EXOC4: variants seen among roughly 807,000 people sequenced by gnomAD.
EXOC4 encodes SEC8-like 1.
In EXOC4, 71 loss-of-function variants were observed where a neutral mutation model predicts 107.2. The observed-to-expected ratio is 0.66, with a 90% CI of 0.55 to 0.81. EXOC4 has a LOEUF of 0.81. Among genes scored for constraint, EXOC4 ranks in the 30% least tolerant of loss-of-function variants. EXOC4 has a pLI of 0.00. For missense variants in EXOC4, 1,108 were observed against 1,189.6 expected (o/e 0.93, Z 1.01); for synonymous variants, 456 against 441.2 (o/e 1.03, Z -0.42).
intron 10 of EXOC4, among the ~76,000 whole-genome samples, chr7:133,815,571 T>C (rs1797349752): frequency 6.6e-6 from 1 of 152,214 alleles, no homozygotes. Context: ...TGCTTTGCAA[T>C]ATACAGCAAG....
chr7:133,519,041 A>G (rs1227984449), intron 9 of EXOC4, among the ~76,000 whole-genome samples: 1 of 152,196 alleles, frequency 6.6e-6, no homozygotes, highest in African/African-American at 2.4e-5. Flanking sequence ...GCAACAGTGA[A>G]AAATTGGCAA....
At chr7:133,383,718 A>C (rs1796666943) in intron 7 of EXOC4, among the ~76,000 whole-genome samples, 1 of 152,196 alleles carries the variant, frequency 6.6e-6, no homozygotes, top group South Asian at 2.1e-4. Context: ...TTACCTGAGG[A>C]TTCTATACCT....
intron 9 of EXOC4, among the ~76,000 whole-genome samples, chr7:133,499,611 T>A (rs1408827900): frequency 6.6e-6 from 1 of 152,156 alleles, no homozygotes; most frequent in East Asian, 1.9e-4. Context: ...ATGGTTTAGA[T>A]ATGTGTCCCT....
chr7:133,480,631 G>GA (rs1799132576), intron 9 of EXOC4: 1 of 161,420 alleles, frequency 6.2e-6, no homozygotes, highest in African/African-American at 2.4e-5. Context: ...CCCATGTATA[G>GA]TTACCAAAGA....
At chr7:133,613,646 A>C (rs947745493) in intron 9 of EXOC4, among the ~76,000 whole-genome samples, 1 of 152,256 alleles carries the variant, frequency 6.6e-6, no homozygotes, top group East Asian at 1.9e-4. Context: ...GGTACTATAC[A>C]TTGAGGTCTG....
chr7:133,868,980 C>G (rs995495457), intron 11 of EXOC4, among the ~76,000 whole-genome samples: 4 of 152,068 alleles, frequency 2.6e-5, no homozygotes, highest in Non-Finnish European at 4.4e-5. Flanking sequence ...CCCTGCCTCT[C>G]CCAGCAGGCA....
intron 10 of EXOC4, among the ~76,000 whole-genome samples, chr7:133,743,008 G>A (rs973587946): frequency 1.3e-5 from 2 of 152,042 alleles, no homozygotes; most frequent in East Asian, 1.9e-4. Context: ...TGGTTCTTAA[G>A]AGGCTCTTAA....
At chr7:133,722,174 G>A (rs1474826103) in intron 10 of EXOC4, among the ~76,000 whole-genome samples, 1 of 152,236 alleles carries the variant, frequency 6.6e-6, no homozygotes, top group Admixed American at 6.5e-5. Flanking sequence ...GCTTTGCCCT[G>A]TATCCCATTT....
At chr7:133,375,051 A>G (rs1796458543) in intron 7 of EXOC4, 49 bp downstream of exon 7, 5 of 1,504,772 alleles carry the variant, frequency 3.3e-6, no homozygotes, top group Admixed American at 1.7e-5. Context: ...GTAACAGTTT[A>G]GAATAACAAC....
At chr7:133,944,918 G>A (rs1203490221) in intron 14 of EXOC4, among the ~76,000 whole-genome samples, 1 of 152,058 alleles carries the variant, frequency 6.6e-6, no homozygotes, top group Non-Finnish European at 1.5e-5. Flanking sequence ...CATTAAAAGA[G>A]TTTAACTAAA....
At chr7:133,672,252 G>A (rs113135795) in intron 10 of EXOC4, among the ~76,000 whole-genome samples, 178 of 151,986 alleles carry the variant, frequency 1.2e-3, no homozygotes, top group African/African-American at 4.1e-3. Context: ...TTAGCCGGGC[G>A]TGGTGGCGGG....
chr7:133,576,336 T>C (rs979130284), intron 9 of EXOC4: 3 of 474,812 alleles, frequency 6.3e-6, no homozygotes, highest in African/African-American at 6.2e-5. Flanking sequence ...GTTGAGATAA[T>C]TGGCAGATCA....
intron 17 of EXOC4, among the ~76,000 whole-genome samples, chr7:134,029,342 G>A (rs923122633): frequency 7.4e-4 from 113 of 152,160 alleles, no homozygotes; most frequent in African/African-American, 2.6e-3. Context: ...AAGAAACCAC[G>A]CACTTTATAA....
chr7:133,469,905 A>T (rs1029096364), intron 7 of EXOC4, among the ~76,000 whole-genome samples: 10 of 152,168 alleles, frequency 6.6e-5, no homozygotes, highest in South Asian at 4.1e-4. Flanking sequence ...CCTCCTTTAC[A>T]TGGCCAGTAG....
Position 133,332,990 on chromosome 7 carries a change from A to G in EXOC4, c.763+15600A>G, listed in dbSNP as rs139005280. ...GCTATTTTAAAGTTATCAAATGTCT[A>G]TTTTTCTTTAATATTTCAAGTGCAG... On this transcript the variant is annotated intron_variant, in intron 5 of 17. Transcript: ENST00000253861. Among the ~76,000 whole-genome samples, 278 of 152,122 alleles carry G rather than the reference A, an allele frequency of 1.8e-3. 1 individual carries two copies. Among genetic ancestry groups the G allele is most frequent in the African/African-American group, 6.3e-3 (261 of 41,504 alleles).
At chr7:133,354,189 T>G (rs1795974001) in intron 5 of EXOC4, among the ~76,000 whole-genome samples, 1 of 152,104 alleles carries the variant, frequency 6.6e-6, no homozygotes. Flanking sequence ...CATATTTGCC[T>G]CTCTATTTCT....
At chr7:134,048,361 A>G (rs1476703201) in intron 17 of EXOC4, among the ~76,000 whole-genome samples, 1 of 152,232 alleles carries the variant, frequency 6.6e-6, no homozygotes, top group Non-Finnish European at 1.5e-5. Flanking sequence ...GTTTTGAGAA[A>G]GTGCTGTTGT....
chr7:133,979,920 G>A (rs574670179), intron 14 of EXOC4, among the ~76,000 whole-genome samples: 5 of 152,090 alleles, frequency 3.3e-5, no homozygotes, highest in South Asian at 2.1e-4. Context: ...CTCCTCCCAC[G>A]CTGCTCCTCA....
At chr7:133,564,059 T>C (rs1238007136) in intron 9 of EXOC4, among the ~76,000 whole-genome samples, 2 of 152,208 alleles carry the variant, frequency 1.3e-5, no homozygotes, top group African/African-American at 2.4e-5. Context: ...GAAATTTTTT[T>C]ATTTTACCTA....
Sources: allele counts gnomAD v4.1 joint callset (sites outside exome capture counted in the v4.1 genomes callset), GRCh38; gene constraint gnomAD v4.1.1; transcripts MANE v1.5; gene names NCBI Gene and HGNC (gene_info 2026-07-23, HGNC 2026-07-21).